ZCWPW2: variants seen among roughly 807,000 people sequenced by gnomAD.
The protein encoded by ZCWPW2 is zinc finger CW-type PWWP domain protein 2.
Under a neutral mutation model 46.6 loss-of-function variants are expected in ZCWPW2, and 45 were observed. The ratio of observed to expected loss-of-function variants is 0.96; its 90% confidence interval spans 0.76 to 1.24. The LOEUF (loss-of-function observed/expected upper bound fraction) is 1.24, where lower values mean the gene tolerates loss of function less well. Among genes scored for constraint, ZCWPW2 ranks in the 50% most tolerant of loss-of-function variants. The probability of loss-of-function intolerance (pLI) is 0.00; values close to 1 mark genes in which losing one functional copy is unlikely to be tolerated. For synonymous variants in ZCWPW2, 152 were observed against 137.1 expected (o/e 1.11, Z -0.76); for missense variants, 429 against 403.9 (o/e 1.06, Z -0.53).
chr3:28,479,644 T>C (rs1699360300), intron 5 of ZCWPW2, among the ~76,000 whole-genome samples: 1 of 152,166 alleles, frequency 6.6e-6, no homozygotes. Context: ...TAGTACACAT[T>C]AGTTATTTTT....
chr3:28,516,968 C>T (rs758644012), intron 8 of ZCWPW2, among the ~76,000 whole-genome samples: 4 of 152,062 alleles, frequency 2.6e-5, no homozygotes, highest in East Asian at 1.9e-4. Context: ...TCTATGATCA[C>T]GCCACTGCAC....
At chr3:28,457,273 C>T (rs1374667862) in intron 4 of ZCWPW2, among the ~76,000 whole-genome samples, 3 of 152,144 alleles carry the variant, frequency 2.0e-5, no homozygotes, top group Admixed American at 1.3e-4. Context: ...ATCTTCTTTA[C>T]CTAGATTTCC....
At chr3:28,355,968 G>A (rs1034148029) in intron 1 of ZCWPW2, among the ~76,000 whole-genome samples, 15 of 151,976 alleles carry the variant, frequency 9.9e-5, no homozygotes, top group African/African-American at 3.4e-4. Context: ...AACACCAAAA[G>A]CAATGGCAAC....
intron 6 of ZCWPW2, chr3:28,510,896 C>T: frequency 3.1e-6 from 1 of 323,704 alleles, no homozygotes; most frequent in South Asian, 2.5e-5. Flanking sequence ...TGCATGTCCA[C>T]TGAGGATTAG....
chr3:28,450,625 C>A (rs190694996), intron 4 of ZCWPW2, among the ~76,000 whole-genome samples: 21 of 152,128 alleles, frequency 1.4e-4, no homozygotes, highest in African/African-American at 4.8e-4. Flanking sequence ...CTATGATGCT[C>A]CTATAGTAAA....
intron 1 of ZCWPW2, among the ~76,000 whole-genome samples, chr3:28,369,658 G>A (rs1246692574): frequency 3.9e-5 from 6 of 152,292 alleles, no homozygotes; most frequent in African/African-American, 1.2e-4. Flanking sequence ...GCTGCGTGCT[G>A]GGGGAACCAC....
At chr3:28,398,957 A>G (rs1489800605) in intron 2 of ZCWPW2, among the ~76,000 whole-genome samples, 1 of 152,206 alleles carries the variant, frequency 6.6e-6, no homozygotes, top group Non-Finnish European at 1.5e-5. Context: ...AGAGGAGGGC[A>G]TGAATCCAGT....
chr3:28,444,819 T>C (rs958838417), intron 4 of ZCWPW2, among the ~76,000 whole-genome samples: 1 of 152,182 alleles, frequency 6.6e-6, no homozygotes, highest in African/African-American at 2.4e-5. Flanking sequence ...ACCAGCTTCA[T>C]TATAGTCCTT....
intron 4 of ZCWPW2, among the ~76,000 whole-genome samples, chr3:28,453,272 C>T (rs898567431): frequency 7.9e-5 from 12 of 152,188 alleles, no homozygotes; most frequent in African/African-American, 2.7e-4. Context: ...ATGCTGACTT[C>T]GCAGCACCAA....
At position 28,413,267 on chromosome 3, in the gene ZCWPW2, A is replaced by C; in HGVS notation, c.199A>C (p.Arg67=). Residue 67 remains arginine, a synonymous_variant, in exon 3 of 10, where the codon AGA becomes CGA. Coordinates refer to ENST00000383768, the MANE Select transcript of ZCWPW2 (RefSeq NM_001040432.4). ...GTACTGCTTCATGAACACTGATTCA[A>C]GATATAATAACTGCTCAATTTCTGA... ...PWYCFMNTDS[R]YNNCSISEED... The C allele has an allele frequency of 6.2e-7, 1 of 1,613,364 alleles. No homozygotes were observed. The highest frequency in any genetic ancestry group is 8.5e-7 in the Non-Finnish European group (1 of 1,179,548).
intron 4 of ZCWPW2, among the ~76,000 whole-genome samples, chr3:28,474,586 CGTGTGTGTGTGT>C (rs71087699): frequency 3.7e-4 from 51 of 136,204 alleles, no homozygotes; most frequent in African/African-American, 1.2e-3. Flanking sequence ...TTAAATACAG[CGTGTGTGTGTGT>C]GTGTGTGTGT....
chr3:28,472,878 A>G (rs1470754167), intron 4 of ZCWPW2, among the ~76,000 whole-genome samples: 2 of 144,822 alleles, frequency 1.4e-5, no homozygotes, highest in Admixed American at 6.8e-5. Context: ...GTTCTATAGG[A>G]AAAAAAAAAC....
chr3:28,509,849 G>C (rs565004194), intron 6 of ZCWPW2, among the ~76,000 whole-genome samples: 4 of 152,038 alleles, frequency 2.6e-5, no homozygotes, highest in African/African-American at 9.6e-5. Context: ...TTATTCTTTT[G>C]TTGTTTGTGT....
intron 6 of ZCWPW2, among the ~76,000 whole-genome samples, chr3:28,495,077 A>G (rs1368477181): frequency 5.3e-5 from 8 of 152,022 alleles, no homozygotes; most frequent in African/African-American, 1.2e-4. Flanking sequence ...GGAAAAAACT[A>G]CTTTAAAGTT....
chr3:28,370,168 A>G (rs1344405510), intron 1 of ZCWPW2, among the ~76,000 whole-genome samples: 1 of 152,042 alleles, frequency 6.6e-6, no homozygotes, highest in African/African-American at 2.4e-5. Flanking sequence ...ACTGTCCTGC[A>G]CCCACTTTCT....
At chr3:28,354,212 G>C (rs1704652947) in intron 1 of ZCWPW2, among the ~76,000 whole-genome samples, 1 of 151,972 alleles carries the variant, frequency 6.6e-6, no homozygotes. Context: ...TATCATCAGA[G>C]AATATTATAA....
intron 1 of ZCWPW2, among the ~76,000 whole-genome samples, chr3:28,389,296 T>C (rs1458162738): frequency 1.3e-5 from 2 of 152,208 alleles, no homozygotes; most frequent in Non-Finnish European, 2.9e-5. Flanking sequence ...GATGGAGAAC[T>C]TGAGCTAGAA....
chr3:28,406,438 C>G (rs1285802456), intron 2 of ZCWPW2, among the ~76,000 whole-genome samples: 2 of 152,182 alleles, frequency 1.3e-5, no homozygotes, highest in African/African-American at 2.4e-5. Flanking sequence ...AAAACCATAT[C>G]TGTGCACTTT....
At chr3:28,423,800 C>T (rs1446567689) in intron 3 of ZCWPW2, among the ~76,000 whole-genome samples, 1 of 152,238 alleles carries the variant, frequency 6.6e-6, no homozygotes, top group East Asian at 1.9e-4. Flanking sequence ...GCTGCACTTT[C>T]CAGTAAATGC....
Sources: allele counts gnomAD v4.1 joint callset (sites outside exome capture counted in the v4.1 genomes callset), GRCh38; gene constraint gnomAD v4.1.1; transcripts MANE v1.5; gene names NCBI Gene and HGNC (gene_info 2026-07-23, HGNC 2026-07-21).